TCF12: variants seen among roughly 807,000 people sequenced by gnomAD.
The protein encoded by TCF12 is DNA-binding protein HTF4.
TCF12 carries 45 observed loss-of-function variants against 86.0 expected under a neutral mutation model. That is an observed-to-expected ratio of 0.52 (90% confidence interval 0.41 to 0.67). The LOEUF (loss-of-function observed/expected upper bound fraction) is 0.67. Among genes scored for constraint, TCF12 ranks in the 30% least tolerant of loss-of-function variants. TCF12 has a pLI of 0.00. For synonymous variants in TCF12, 330 were observed against 299.6 expected (o/e 1.10, Z -1.05); for missense variants, 881 against 859.9 (o/e 1.02, Z -0.31).
At chr15:56,958,676 A>AGTGTGTGTGT (rs1324930525) in intron 3 of TCF12, among the ~76,000 whole-genome samples, 1,009 of 92,436 alleles carry the variant, frequency 0.011, 2 homozygotes, top group Middle Eastern at 0.022. Context: ...AGAGAGAGAG[A>AGTGTGTGTGT]GAGTGTGTGT....
At chr15:56,948,789 A>G (rs1218286006) in intron 3 of TCF12, among the ~76,000 whole-genome samples, 1 of 152,214 alleles carries the variant, frequency 6.6e-6, no homozygotes, top group Non-Finnish European at 1.5e-5. Flanking sequence ...TCACCTTCCG[A>G]CATCTTCCAC....
intron 3 of TCF12, among the ~76,000 whole-genome samples, chr15:57,001,864 T>C (rs1279819177): frequency 6.6e-6 from 1 of 152,168 alleles, no homozygotes; most frequent in Non-Finnish European, 1.5e-5. Context: ...AGGAGAAGGA[T>C]TGCCACTGTC....
chr15:56,995,880 C>G (rs1379529685), intron 3 of TCF12, among the ~76,000 whole-genome samples: 1 of 152,146 alleles, frequency 6.6e-6, no homozygotes, highest in African/African-American at 2.4e-5. Context: ...AAGGGGAATG[C>G]TTCCAGCTTT....
At chr15:57,034,010 G>A (rs1330105574) in intron 3 of TCF12, among the ~76,000 whole-genome samples, 1 of 152,134 alleles carries the variant, frequency 6.6e-6, no homozygotes, top group Non-Finnish European at 1.5e-5. Flanking sequence ...TGAGACATAA[G>A]TAATATACAG....
chr15:57,266,911 C>T (rs908815426), intron 18 of TCF12, among the ~76,000 whole-genome samples: 1 of 152,120 alleles, frequency 6.6e-6, no homozygotes, highest in African/African-American at 2.4e-5. Context: ...CACCCGTAGT[C>T]CCAGCTACTT....
intron 5 of TCF12, among the ~76,000 whole-genome samples, chr15:57,110,677 C>T (rs1485180819): frequency 6.6e-6 from 1 of 152,090 alleles, no homozygotes; most frequent in Non-Finnish European, 1.5e-5. Context: ...TTAGGAAGTT[C>T]AGTCTATCTT....
chr15:56,950,535 G>C (rs28814080), intron 3 of TCF12, among the ~76,000 whole-genome samples: 38,686 of 151,806 alleles, frequency 0.25, 5,683 homozygotes, highest in East Asian at 0.41. Context: ...TGCATTTCGT[G>C]TAGTTTTAAA....
chr15:57,134,904 T>C (rs1485088906), intron 5 of TCF12, among the ~76,000 whole-genome samples: 1 of 150,628 alleles, frequency 6.6e-6, no homozygotes, highest in Non-Finnish European at 1.5e-5. Context: ...TTTTTTTGAA[T>C]AGCTGTGCAC....
chr15:56,958,247 C>T (rs1382158989), intron 3 of TCF12, among the ~76,000 whole-genome samples: 4 of 152,192 alleles, frequency 2.6e-5, no homozygotes, highest in African/African-American at 9.7e-5. Context: ...CTTTCCCCTT[C>T]CTGCACCCTG....
chr15:57,279,913 A>G (rs1161081822), intron 19 of TCF12, among the ~76,000 whole-genome samples: 1 of 121,440 alleles, frequency 8.2e-6, no homozygotes, highest in Non-Finnish European at 1.6e-5. Context: ...TTTTGGAGAC[A>G]GAGTTTTGCT....
At chr15:57,031,891 G>T (rs1407056756) in intron 3 of TCF12, among the ~76,000 whole-genome samples, 1 of 152,132 alleles carries the variant, frequency 6.6e-6, no homozygotes, top group Non-Finnish European at 1.5e-5. Context: ...GACATCAGCT[G>T]ACAGCCGTTG....
intron 3 of TCF12, among the ~76,000 whole-genome samples, chr15:56,976,396 A>G (rs1480242976): frequency 7.2e-6 from 1 of 139,596 alleles, no homozygotes; most frequent in Non-Finnish European, 1.6e-5. Flanking sequence ...ACGCCTGGCT[A>G]ATTTTTTTTT....
chr15:57,038,219 G>A (rs1237022486), intron 3 of TCF12, among the ~76,000 whole-genome samples: 1 of 151,972 alleles, frequency 6.6e-6, no homozygotes, highest in African/African-American at 2.4e-5. Flanking sequence ...ATTACTTGAG[G>A]CCAGGAGTTT....
At chr15:57,116,057 GA>G (rs1376012624) in intron 5 of TCF12, among the ~76,000 whole-genome samples, 4 of 151,610 alleles carry the variant, frequency 2.6e-5, no homozygotes, top group African/African-American at 9.7e-5. Context: ...TTTATCCTCA[GA>G]AAAAAAAGTG....
At chr15:57,041,757 TA>T (rs1162554449) in intron 3 of TCF12, among the ~76,000 whole-genome samples, 2 of 151,466 alleles carry the variant, frequency 1.3e-5, no homozygotes, top group African/African-American at 2.4e-5. Context: ...AATTGAGATT[TA>T]AAAAAAAATA....
At chr15:57,196,535 A>T (rs974927769) in intron 7 of TCF12, among the ~76,000 whole-genome samples, 8 of 152,212 alleles carry the variant, frequency 5.3e-5, no homozygotes, top group Non-Finnish European at 8.8e-5. Flanking sequence ...TCTCTTCCTA[A>T]TAATGAGCCC....
At chr15:57,059,464 C>G (rs2068284165) in intron 3 of TCF12, among the ~76,000 whole-genome samples, 1 of 152,120 alleles carries the variant, frequency 6.6e-6, no homozygotes, top group African/African-American at 2.4e-5. Flanking sequence ...TCAGACTCAC[C>G]ACTACTAACT....
intron 7 of TCF12, among the ~76,000 whole-genome samples, chr15:57,193,310 T>C (rs531841185): frequency 9.8e-5 from 15 of 152,366 alleles, no homozygotes; most frequent in African/African-American, 3.6e-4. Context: ...TTGAGTAGCA[T>C]ATACTACATT....
chr15:57,171,001 G>T (rs1427178239), intron 6 of TCF12, among the ~76,000 whole-genome samples: 1 of 149,766 alleles, frequency 6.7e-6, no homozygotes, highest in Non-Finnish European at 1.5e-5. Flanking sequence ...TAGAGTTCAT[G>T]CTTTAAGAAA....
Sources: allele counts gnomAD v4.1 joint callset (sites outside exome capture counted in the v4.1 genomes callset), GRCh38; gene constraint gnomAD v4.1.1; transcripts MANE v1.5; gene names NCBI Gene and HGNC (gene_info 2026-07-23, HGNC 2026-07-21).